ARHGAP26: variants seen among roughly 807,000 people sequenced by gnomAD.
ARHGAP26 encodes Rho GTPase activating protein 26.
Under a neutral mutation model 104.8 loss-of-function variants are expected in ARHGAP26, and 38 were observed. The ratio of observed to expected loss-of-function variants is 0.36; its 90% confidence interval spans 0.28 to 0.48. The LOEUF (loss-of-function observed/expected upper bound fraction) is 0.48, where lower values mean the gene tolerates loss of function less well. ARHGAP26 is among the 20% of genes least tolerant of loss of function. ARHGAP26 has a pLI of 0.99. For missense variants in ARHGAP26, 704 were observed against 947.9 expected, an observed-to-expected ratio of 0.74 and a Z score of 3.38; for synonymous variants, 341 against 340.0, an observed-to-expected ratio of 1.00 and a Z score of -0.03.
At chr5:143,075,334 T>C (rs2150400459) in intron 17 of ARHGAP26, among the ~76,000 whole-genome samples, 1 of 150,130 alleles carries the variant, frequency 6.7e-6, no homozygotes, top group South Asian at 2.1e-4. Flanking sequence ...TATAATTTTA[T>C]TAAAAATATG....
At chr5:143,194,073 T>G (rs1364421855) in intron 20 of ARHGAP26, 1 of 152,222 alleles carries the variant, frequency 6.6e-6, no homozygotes, top group Non-Finnish European at 1.5e-5. Context: ...TGGACTCACC[T>G]GGGTCACTTA....
Position 143,134,029 on chromosome 5 carries a change from G to A in ARHGAP26, c.1761G>A (p.Lys587=). The A allele has an allele frequency of 1.2e-6, 2 of 1,613,298 alleles. No individual in the cohort carries two copies. Among genetic ancestry groups the A allele is most frequent in the Non-Finnish European group, 8.5e-7 (1 of 1,179,606 alleles). The change falls in exon 19 of 23, where the codon AAG becomes AAA. Residue 587 remains lysine (K), a synonymous_variant. Transcript: ENST00000645722. ...CCCAGCTGCACCTGTCTCGGAAGAA[G>A]AGCAGTGACTCCAAGCCCCCGTCCT... The part of the protein sequence containing the change: ...TNAQLHLSRK[K]SSDSKPPSCS...
At chr5:142,880,654 G>C (rs1437912379) in intron 4 of ARHGAP26, among the ~76,000 whole-genome samples, 1 of 152,144 alleles carries the variant, frequency 6.6e-6, no homozygotes, top group Admixed American at 6.5e-5. Context: ...TGTTTTTCTG[G>C]AACTGTGAGT....
chr5:143,062,180 G>A (rs1393561690), intron 17 of ARHGAP26, among the ~76,000 whole-genome samples: 1 of 152,362 alleles, frequency 6.6e-6, no homozygotes, highest in African/African-American at 2.4e-5. Flanking sequence ...ACCAATTTTT[G>A]TAGGAGAGAT....
intron 17 of ARHGAP26, among the ~76,000 whole-genome samples, chr5:143,120,708 G>T (rs1185181208): frequency 6.6e-6 from 1 of 152,186 alleles, no homozygotes; most frequent in Non-Finnish European, 1.5e-5. Flanking sequence ...ATGTTCAAAG[G>T]TTAGTAATTT....
chr5:142,857,993 A>G (rs183667838), intron 1 of ARHGAP26, among the ~76,000 whole-genome samples: 20 of 152,094 alleles, frequency 1.3e-4, no homozygotes, highest in Non-Finnish European at 2.8e-4. Flanking sequence ...TCAAAAGCCA[A>G]ATCAAGAAAC....
intron 17 of ARHGAP26, among the ~76,000 whole-genome samples, chr5:143,079,607 G>A (rs546217942): frequency 4.6e-5 from 7 of 152,270 alleles, no homozygotes; most frequent in East Asian, 1.9e-4. Flanking sequence ...CTGTCAGACC[G>A]GATTAAACGA....
intron 8 of ARHGAP26, chr5:142,907,451 C>G (rs925078567): frequency 2.6e-5 from 6 of 234,598 alleles, no homozygotes; most frequent in Non-Finnish European, 5.0e-5. Context: ...TTTTAAGACC[C>G]ACTGGATGTA....
At chr5:142,905,894 TATCAATAATG>T (rs1182577316) in intron 8 of ARHGAP26, among the ~76,000 whole-genome samples, 1 of 152,232 alleles carries the variant, frequency 6.6e-6, no homozygotes, top group Non-Finnish European at 1.5e-5. Context: ...TTGCCAGTTG[TATCAATAATG>T]GCCTTCTAAA....
At chr5:142,879,341 T>A (rs1244563727) in intron 3 of ARHGAP26, 33 bp from the exon 4 acceptor site, 1 of 1,597,522 alleles carries the variant, frequency 6.3e-7, no homozygotes, top group East Asian at 2.2e-5. Context: ...TGCTTTTGTG[T>A]CTTCTTTCCC....
chr5:143,155,779 TC>T (rs1261810164), intron 20 of ARHGAP26, among the ~76,000 whole-genome samples: 6 of 152,228 alleles, frequency 3.9e-5, no homozygotes, highest in South Asian at 2.1e-4. Flanking sequence ...CAAGCTAAAA[TC>T]ATATAAAGGG....
intron 1 of ARHGAP26, among the ~76,000 whole-genome samples, chr5:142,777,597 C>CA (rs1186624194): frequency 6.6e-6 from 1 of 152,172 alleles, no homozygotes; most frequent in Non-Finnish European, 1.5e-5. Context: ...CCTTCTGTTT[C>CA]AAATTATATA....
chr5:142,861,023 A>G (rs1053927825), intron 1 of ARHGAP26, among the ~76,000 whole-genome samples: 2 of 152,178 alleles, frequency 1.3e-5, no homozygotes, highest in African/African-American at 4.8e-5. Context: ...ACACGTTTTG[A>G]GAAACACTTA....
At chr5:143,075,267 A>G (rs1364115219) in intron 17 of ARHGAP26, among the ~76,000 whole-genome samples, 1 of 151,494 alleles carries the variant, frequency 6.6e-6, no homozygotes. Context: ...ATGTAAGTAA[A>G]TATTATGTAT....
chr5:142,865,802 A>G (rs1219903033), intron 1 of ARHGAP26, among the ~76,000 whole-genome samples: 1 of 152,160 alleles, frequency 6.6e-6, no homozygotes, highest in East Asian at 1.9e-4. Flanking sequence ...AGCTTGGCAT[A>G]CAGGTCCTTC....
chr5:142,953,809 G>T (rs1404571244), intron 11 of ARHGAP26, among the ~76,000 whole-genome samples: 1 of 152,158 alleles, frequency 6.6e-6, no homozygotes, highest in Non-Finnish European at 1.5e-5. Context: ...TCTGCCTGAA[G>T]GTAGGTCTCT....
At chr5:143,036,469 C>T (rs1308550455) in intron 12 of ARHGAP26, among the ~76,000 whole-genome samples, 1 of 152,188 alleles carries the variant, frequency 6.6e-6, no homozygotes, top group Non-Finnish European at 1.5e-5. Context: ...GCCCCACTGC[C>T]TTCATGCTGC....
intron 17 of ARHGAP26, among the ~76,000 whole-genome samples, chr5:143,105,457 A>T (rs1439469367): frequency 6.6e-6 from 1 of 152,112 alleles, no homozygotes; most frequent in Admixed American, 6.5e-5. Flanking sequence ...CCAAACTGAC[A>T]TTAGCTAATG....
At chr5:143,218,178 C>G (rs905803962) in intron 22 of ARHGAP26, among the ~76,000 whole-genome samples, 1 of 152,226 alleles carries the variant, frequency 6.6e-6, no homozygotes. Context: ...GACACTCTCA[C>G]TATGAGGCCC....
Sources: gnomAD v4.1 joint callset for allele counts (sites outside exome capture counted in the v4.1 genomes callset) on GRCh38, gnomAD v4.1.1 for gene constraint, MANE v1.5 for transcripts, NCBI Gene and HGNC (gene_info 2026-07-23, HGNC 2026-07-21) for gene names.